SDK1: variants seen among roughly 807,000 people sequenced by gnomAD.
SDK1 encodes sidekick cell adhesion molecule 1.
A neutral mutation model predicts 245.5 loss-of-function variants in SDK1; 157 were observed. The ratio of observed to expected loss-of-function variants is 0.64; its 90% CI spans 0.56 to 0.73. The LOEUF is 0.73. Among genes scored for constraint, SDK1 ranks in the 30% least tolerant of loss-of-function variants. SDK1 has a pLI of 0.00. For synonymous variants in SDK1, 1,647 were observed against 1,278.5 expected (o/e 1.29, Z -6.15); for missense variants, 3,583 against 3,002.3 (o/e 1.19, Z -4.52).
At chr7:3,491,358 A>G (rs1227496089) in intron 1 of SDK1, among the ~76,000 whole-genome samples, 1 of 152,232 alleles carries the variant, frequency 6.6e-6, no homozygotes, top group Non-Finnish European at 1.5e-5. Context: ...GGTGGAACCC[A>G]GGCATCAGTA....
chr7:3,993,324 G>C (rs1274713726), intron 14 of SDK1, among the ~76,000 whole-genome samples: 34 of 152,066 alleles, frequency 2.2e-4, no homozygotes, highest in Non-Finnish European at 2.9e-5. Flanking sequence ...CCTTCTACCA[G>C]TTATCAAGAA....
rs539133788 is a variant in SDK1, at chr7:3,331,890, C to A, written c.298+30006C>A. Among the ~76,000 whole-genome samples, 34 of 152,196 alleles carry A rather than the reference C, an allele frequency of 2.2e-4. 1 individual carries two copies. In the South Asian group the frequency reaches 6.6e-3, roughly 30 times the overall value. ...TTTTGATAAGAAAATTTAAGTTTTACAATAAAATGTAACCTTGCAATGTAG... is the reference window on the plus strand; with the variant it reads ...TTTTGATAAGAAAATTTAAGTTTTAAAATAAAATGTAACCTTGCAATGTAG... On this transcript the variant is annotated intron_variant, in intron 1 of 44. Transcript: ENST00000404826.
At chr7:3,909,628 T>A (rs960696976) in intron 5 of SDK1, among the ~76,000 whole-genome samples, 2 of 152,254 alleles carry the variant, frequency 1.3e-5, no homozygotes, top group African/African-American at 4.8e-5. Flanking sequence ...TCCGTGGAGC[T>A]GGCCTATATG....
chr7:4,037,047 C>G (rs1331986240), intron 17 of SDK1, among the ~76,000 whole-genome samples: 2 of 152,022 alleles, frequency 1.3e-5, no homozygotes, highest in Non-Finnish European at 2.9e-5. Flanking sequence ...ACCCCTTCAC[C>G]AAAAGTAATA....
chr7:4,060,215 G>A (rs1276981096), intron 19 of SDK1, among the ~76,000 whole-genome samples: 1 of 152,052 alleles, frequency 6.6e-6, no homozygotes, highest in African/African-American at 2.4e-5. Context: ...ATTGAAATAC[G>A]ACATACAGAA....
At chr7:4,172,530 T>G (rs1291591223) in intron 32 of SDK1, among the ~76,000 whole-genome samples, 2 of 152,184 alleles carry the variant, frequency 1.3e-5, no homozygotes, top group Non-Finnish European at 2.9e-5. Flanking sequence ...CAACCCCTCC[T>G]GGTGCCTGGG....
At chr7:3,528,149 A>G (rs1202063870) in intron 1 of SDK1, among the ~76,000 whole-genome samples, 1 of 123,090 alleles carries the variant, frequency 8.1e-6, no homozygotes, top group Non-Finnish European at 1.6e-5. Flanking sequence ...GTAGGAGGTA[A>G]GGTTGGATGA....
chr7:4,068,531 C>T (rs1780043116), intron 20 of SDK1, among the ~76,000 whole-genome samples: 1 of 152,026 alleles, frequency 6.6e-6, no homozygotes, highest in African/African-American at 2.4e-5. Flanking sequence ...GTTCTGTCCC[C>T]TCCCCACCCT....
chr7:3,476,535 T>C (rs1781352526), intron 1 of SDK1, among the ~76,000 whole-genome samples: 1 of 152,240 alleles, frequency 6.6e-6, no homozygotes, highest in African/African-American at 2.4e-5. Context: ...ACCAAAAAGT[T>C]TGGGGTCATA....
intron 4 of SDK1, among the ~76,000 whole-genome samples, chr7:3,760,735 C>T (rs920095144): frequency 3.3e-5 from 5 of 152,156 alleles, no homozygotes; most frequent in Non-Finnish European, 7.3e-5. Flanking sequence ...TCCTGGCAAC[C>T]ACTGATCTGT....
intron 1 of SDK1, among the ~76,000 whole-genome samples, chr7:3,516,347 T>C (rs2128613085): frequency 6.6e-6 from 1 of 152,224 alleles, no homozygotes. Flanking sequence ...GAATGGCAGC[T>C]ACCTATGTCA....
intron 14 of SDK1, among the ~76,000 whole-genome samples, chr7:4,007,204 G>C (rs1017619870): frequency 1.3e-5 from 2 of 152,196 alleles, no homozygotes; most frequent in Non-Finnish European, 2.9e-5. Flanking sequence ...TTTAGAAGGG[G>C]AATGTTTGCA....
In SDK1 at chr7:3,665,250, C is replaced by T. The variant is rs144079593; in HGVS notation, c.713+23145C>T. 4.9e-3 allele frequency among the ~76,000 whole-genome samples: 753 copies of T among 152,328 alleles called. 5 individuals carry two copies. The highest frequency in any genetic ancestry group is 0.02 in the Middle Eastern group (6 of 294). ...GCAGAGCAGTCCACTATCATCCCCACCTACAGTGATGCCTTGAGCCCCCTC... is the reference window on the plus strand; with the variant it reads ...GCAGAGCAGTCCACTATCATCCCCATCTACAGTGATGCCTTGAGCCCCCTC... On this transcript the variant is annotated intron_variant, in intron 4 of 44. Transcript: ENST00000404826.
In SDK1 at chr7:3,790,056, A is replaced by G. The variant is rs1049902041; in HGVS notation, c.714-31394A>G. Among the ~76,000 whole-genome samples the G allele has an allele frequency of 2.6e-5, 4 of 152,120 alleles. 1 individual carries two copies. The highest frequency in any genetic ancestry group is 2.6e-4 in the Admixed American group (4 of 15,274). On this transcript the variant is annotated intron_variant, in intron 4 of 44. Transcript: ENST00000404826. ...AAATAGTTATTCAGCGGAGAAGTTG[A>G]GAAAGACCCCGTAGTCCAAATGCCA...
At chr7:3,541,369 G>T (rs867565921) in intron 1 of SDK1, among the ~76,000 whole-genome samples, 1 of 152,190 alleles carries the variant, frequency 6.6e-6, no homozygotes, top group South Asian at 2.1e-4. Flanking sequence ...AGAGGAGGGC[G>T]TAATCTAAGC....
At chr7:3,568,035 G>A (rs1482155259) in intron 1 of SDK1, among the ~76,000 whole-genome samples, 2 of 152,022 alleles carry the variant, frequency 1.3e-5, no homozygotes, top group African/African-American at 2.4e-5. Context: ...TGTCCAGGCT[G>A]GTCTCAAACT....
At chr7:4,221,794 C>T (rs976677557) in intron 40 of SDK1, among the ~76,000 whole-genome samples, 1 of 152,110 alleles carries the variant, frequency 6.6e-6, no homozygotes, top group Non-Finnish European at 1.5e-5. Context: ...ATAGTGAAAC[C>T]GACACATCGT....
At chr7:4,200,795 G>A (rs1191622823) in intron 35 of SDK1, among the ~76,000 whole-genome samples, 1 of 152,234 alleles carries the variant, frequency 6.6e-6, no homozygotes, top group Non-Finnish European at 1.5e-5. Context: ...ACATTCAAGG[G>A]AAGGAGATTC....
intron 5 of SDK1, among the ~76,000 whole-genome samples, chr7:3,938,208 T>C (rs1343311903): frequency 6.6e-6 from 1 of 152,210 alleles, no homozygotes; most frequent in African/African-American, 2.4e-5. Flanking sequence ...AACTTTAGAA[T>C]TCTATTCAGA....
Sources: allele counts gnomAD v4.1 joint callset (sites outside exome capture counted in the v4.1 genomes callset), GRCh38; gene constraint gnomAD v4.1.1; transcripts MANE v1.5; gene names NCBI Gene and HGNC (gene_info 2026-07-23, HGNC 2026-07-21).